Variants in PDE12 observed in about 807,000 individuals in gnomAD.
PDE12 encodes 2',5'-phosphodiesterase 12.
Under a neutral mutation model 45.4 loss-of-function variants are expected in PDE12, and 26 were observed. That is an observed-to-expected ratio of 0.57 (90% CI 0.42 to 0.79). The LOEUF is 0.79. PDE12 is among the 30% of genes least tolerant of loss of function. The pLI is 0.00. For missense variants in PDE12, 668 were observed against 790.0 expected (o/e 0.85, Z 1.85); for synonymous variants, 283 against 323.9 (o/e 0.87, Z 1.36).
the PDE12 span, chr3:57,600,980 A>G: frequency 3.3e-5 from 5 of 152,176 alleles, no homozygotes; most frequent in African/African-American, 9.6e-5. Flanking sequence ...AAAAATTGCT[A>G]TAGTTTATTG....
chr3:57,595,880 G>A, the PDE12 span, among the ~76,000 whole-genome samples: 1 of 152,022 alleles, frequency 6.6e-6, no homozygotes, highest in Non-Finnish European at 1.5e-5. Flanking sequence ...GAACCCGGGA[G>A]GTGGAGGTTG....
the PDE12 span, among the ~76,000 whole-genome samples, chr3:57,633,088 A>G: frequency 6.6e-6 from 1 of 152,232 alleles, no homozygotes; most frequent in Non-Finnish European, 1.5e-5. Flanking sequence ...CCAAAGTTGA[A>G]CAGTTAACAC....
the PDE12 span, among the ~76,000 whole-genome samples, chr3:57,622,546 A>T: frequency 6.6e-6 from 1 of 152,162 alleles, no homozygotes; most frequent in African/African-American, 2.4e-5. Flanking sequence ...TTCACCCACC[A>T]TATGACCCAG....
At chr3:57,650,292 TAAAC>T in the PDE12 span, among the ~76,000 whole-genome samples, 1 of 147,716 alleles carries the variant, frequency 6.8e-6, no homozygotes, top group African/African-American at 2.5e-5. Context: ...CCTTTTGAAA[TAAAC>T]AAAAAACCTA....
chr3:57,635,523 G>A, the PDE12 span, among the ~76,000 whole-genome samples: 1 of 152,050 alleles, frequency 6.6e-6, no homozygotes, highest in African/African-American at 2.4e-5. Context: ...CTGCATAAGG[G>A]TTAAAAGAAC....
chr3:57,604,487 C>G, the PDE12 span, among the ~76,000 whole-genome samples: 15,973 of 151,994 alleles, frequency 0.11, 1,023 homozygotes, highest in South Asian at 0.16. Flanking sequence ...AAAAGCTGGG[C>G]ATGGTGGCCC....
chr3:57,649,800 A>AC, the PDE12 span, among the ~76,000 whole-genome samples: 75 of 147,290 alleles, frequency 5.1e-4, no homozygotes, highest in Admixed American at 1.4e-3. Flanking sequence ...TGTTGGATTG[A>AC]CCCCCCACCC....
the PDE12 span, among the ~76,000 whole-genome samples, chr3:57,647,535 G>A: frequency 6.6e-5 from 10 of 152,124 alleles, no homozygotes; most frequent in East Asian, 1.9e-4. Context: ...CATGTGTGGG[G>A]ATTATTTGGT....
At chr3:57,623,255 CAACAAACA>C in the PDE12 span, among the ~76,000 whole-genome samples, 65 of 151,942 alleles carry the variant, frequency 4.3e-4, 1 homozygote, top group East Asian at 9.3e-3. Flanking sequence ...TACAAAACAA[CAACAAACA>C]AACAAACAAA....
the PDE12 span, among the ~76,000 whole-genome samples, chr3:57,612,695 G>A: frequency 4.0e-5 from 6 of 151,562 alleles, no homozygotes; most frequent in Middle Eastern, 3.4e-3. Context: ...CACTTGAACC[G>A]GGGAAGTGGA....
the PDE12 span, among the ~76,000 whole-genome samples, chr3:57,620,289 G>C: frequency 6.6e-6 from 1 of 151,860 alleles, no homozygotes; most frequent in Non-Finnish European, 1.5e-5. Context: ...AGTGGTACAT[G>C]TCTGTAATCC....
At chr3:57,596,828 A>G in the PDE12 span, 15 of 505,422 alleles carry the variant, frequency 3.0e-5, no homozygotes, top group Admixed American at 4.0e-4. Context: ...TCAAGGAGAA[A>G]AAGCCGAGTC....
the PDE12 span, among the ~76,000 whole-genome samples, chr3:57,608,711 A>G: frequency 6.6e-6 from 1 of 152,160 alleles, no homozygotes; most frequent in Non-Finnish European, 1.5e-5. Context: ...ATATGCACCC[A>G]ATACAGGAGC....
the PDE12 span, among the ~76,000 whole-genome samples, chr3:57,613,762 A>G: frequency 2.0e-5 from 3 of 151,716 alleles, no homozygotes; most frequent in South Asian, 2.1e-4. Context: ...TTAGCCGGGC[A>G]TGGTGGCAGG....
the PDE12 span, among the ~76,000 whole-genome samples, chr3:57,607,595 A>G: frequency 6.6e-6 from 1 of 152,218 alleles, no homozygotes; most frequent in Admixed American, 6.5e-5. Context: ...TGACGAATGC[A>G]CAAGCTTCAG....
In PDE12 at chr3:57,563,319, A is replaced by G. The variant is rs868681771; in HGVS notation, c.*3315A>G. 1.1e-4 allele frequency: 17 copies of G among 152,120 alleles called. No homozygotes were observed. Among genetic ancestry groups the G allele is most frequent in the Admixed American group, 3.9e-4 (6 of 15,262 alleles). The allele number at this position is 152,120 out of a possible 1,614,324, so 9.4% of individuals were successfully genotyped here. On this transcript the variant is annotated 3_prime_UTR_variant, in exon 3 of 3. Coordinates refer to ENST00000311180, the MANE Select transcript of PDE12 (RefSeq NM_177966.7). ...CCCAAGTAGTTGAGATTACAAGCCC[A>G]ACCTTCCATAACTGAAAACTAACTT...
chr3:57,558,192 TAAG>T (rs34861327), intron 1 of PDE12, among the ~76,000 whole-genome samples: 21,612 of 152,200 alleles, frequency 0.14, 1,609 homozygotes, highest in South Asian at 0.21. Context: ...TTGTTCATAA[TAAG>T]AAGAGCAGCT....
At chr3:57,651,609 T>C in the PDE12 span, among the ~76,000 whole-genome samples, 1 of 152,052 alleles carries the variant, frequency 6.6e-6, no homozygotes, top group Non-Finnish European at 1.5e-5. Context: ...TTTGTGAATA[T>C]ATTAAAAAAC....
chr3:57,580,151 G>C, the PDE12 span, among the ~76,000 whole-genome samples: 2 of 152,040 alleles, frequency 1.3e-5, no homozygotes, highest in African/African-American at 4.8e-5. Flanking sequence ...ATATAGTGTG[G>C]TGGGAAGACA....
Sources: allele counts gnomAD v4.1 joint callset (sites outside exome capture counted in the v4.1 genomes callset), GRCh38; gene constraint gnomAD v4.1.1; transcripts MANE v1.5; gene names NCBI Gene and HGNC (gene_info 2026-07-23, HGNC 2026-07-21).